Variants in GRID2 observed in about 807,000 individuals in gnomAD.
GRID2 encodes glutamate ionotropic receptor delta type subunit 2.
A neutral mutation model predicts 114.8 loss-of-function variants in GRID2; 33 were observed. The observed-to-expected ratio is 0.29, with a 90% confidence interval of 0.22 to 0.38. The LOEUF (loss-of-function observed/expected upper bound fraction) is 0.38, where lower values mean the gene tolerates loss of function less well. GRID2 is among the 10% of genes least tolerant of loss of function. The pLI is 1.00. For missense variants in GRID2, 1,184 were observed against 1,257.7 expected (o/e 0.94, Z 0.89); for synonymous variants, 505 against 449.9 (o/e 1.12, Z -1.55).
chr4:92,442,340 G>A (rs182806935), intron 1 of GRID2, among the ~76,000 whole-genome samples: 3 of 152,108 alleles, frequency 2.0e-5, no homozygotes, highest in African/African-American at 7.2e-5. Context: ...TTTCAGTGGG[G>A]TCCTACACAG....
intron 2 of GRID2, among the ~76,000 whole-genome samples, chr4:92,876,877 T>C (rs1313601695): frequency 2.6e-5 from 4 of 152,188 alleles, no homozygotes; most frequent in African/African-American, 9.7e-5. Context: ...TCATAAGTTA[T>C]AAAATATAGA....
rs375261932 is a variant in GRID2, at chr4:93,591,013, G to T, written c.2194-35256G>T. 3.5e-3 allele frequency among the ~76,000 whole-genome samples: 525 copies of T among 150,732 alleles called. 2 individuals carry two copies. Among genetic ancestry groups the T allele is most frequent in the African/African-American group, 0.012 (482 of 40,746 alleles). The stretch of plus-strand genomic sequence containing the variant: ...ATGTCATCTGCAAACAGGGACAATT[G>T]GACTTCCTCTTTTCCTAATTGAATA... On this transcript the variant is annotated intron_variant, in intron 13 of 15. Transcript: ENST00000282020.
chr4:93,421,450 A>G (rs940081385), intron 9 of GRID2, among the ~76,000 whole-genome samples: 2 of 152,216 alleles, frequency 1.3e-5, no homozygotes, highest in Non-Finnish European at 2.9e-5. Flanking sequence ...CAGTGAAACT[A>G]AAATATGTTT....
intron 2 of GRID2, among the ~76,000 whole-genome samples, chr4:92,758,069 G>A (rs970059824): frequency 3.3e-5 from 5 of 152,002 alleles, no homozygotes; most frequent in Admixed American, 2.6e-4. Context: ...AGTGCATGTG[G>A]ACACTTACTA....
At chr4:92,421,441 T>A (rs1402261720) in intron 1 of GRID2, among the ~76,000 whole-genome samples, 2 of 152,074 alleles carry the variant, frequency 1.3e-5, no homozygotes, top group Non-Finnish European at 2.9e-5. Flanking sequence ...CACTGTCACC[T>A]TTGGCATGAG....
chr4:92,859,322 G>T (rs570655752), intron 2 of GRID2, among the ~76,000 whole-genome samples: 1 of 152,174 alleles, frequency 6.6e-6, no homozygotes, highest in East Asian at 1.9e-4. Flanking sequence ...TAGACATAAT[G>T]CTATTGTTGA....
In GRID2 at chr4:93,348,079, T is replaced by G. The variant is rs1159999235; in HGVS notation, c.1246-47528T>G. Among the ~76,000 whole-genome samples, 4 of 152,134 alleles carry G rather than the reference T, an allele frequency of 2.6e-5. No individual in the cohort carries two copies. In the East Asian group the frequency reaches 7.7e-4, roughly 29 times the overall value. ...ATTGGATACTTACTTTGATTAACATTTCTGTAATGGCACAAAGATTTGCTA... is the reference window on the plus strand; with the variant it reads ...ATTGGATACTTACTTTGATTAACATGTCTGTAATGGCACAAAGATTTGCTA... On this transcript the variant is annotated intron_variant, in intron 8 of 15. Transcript: ENST00000282020.
Position 92,566,451 on chromosome 4 carries a change from A to C in GRID2, c.89-23680A>C, listed in dbSNP as rs1727340047. ...AATGAACACAGTTTCGGACAATAGG[A>C]TGCATGTTAAGCCTGACTGGATCTA... On this transcript the variant is annotated intron_variant, in intron 1 of 15. Transcript: ENST00000282020. Among the ~76,000 whole-genome samples the C allele has an allele frequency of 2.0e-5, 3 of 151,998 alleles. No individual in the cohort carries two copies. In the South Asian group the frequency reaches 6.2e-4, roughly 31 times the overall value.
chr4:93,246,758 C>G (rs1168560613), intron 8 of GRID2, among the ~76,000 whole-genome samples: 1 of 151,796 alleles, frequency 6.6e-6, no homozygotes, highest in Non-Finnish European at 1.5e-5. Flanking sequence ...TAGCTTGTAC[C>G]ATAAAGTCAT....
intron 1 of GRID2, among the ~76,000 whole-genome samples, chr4:92,322,007 T>G (rs1726341315): frequency 6.6e-6 from 1 of 152,162 alleles, no homozygotes; most frequent in Admixed American, 6.6e-5. Flanking sequence ...ATAAGGTTCA[T>G]ATTTCAGGAA....
chr4:93,353,404 T>C (rs1385632057), intron 8 of GRID2, among the ~76,000 whole-genome samples: 1 of 151,850 alleles, frequency 6.6e-6, no homozygotes, highest in Non-Finnish European at 1.5e-5. Flanking sequence ...AAAATCACAT[T>C]ACAGAAAGCT....
At chr4:92,317,338 C>T (rs1303941650) in intron 1 of GRID2, among the ~76,000 whole-genome samples, 1 of 152,092 alleles carries the variant, frequency 6.6e-6, no homozygotes, top group Non-Finnish European at 1.5e-5. Context: ...TTACAAGTGG[C>T]ATAACTATTA....
At chr4:93,168,529 T>A (rs911208376) in intron 4 of GRID2, among the ~76,000 whole-genome samples, 1 of 152,078 alleles carries the variant, frequency 6.6e-6, no homozygotes, top group Non-Finnish European at 1.5e-5. Flanking sequence ...GTACTATTAA[T>A]AAGAAATCAT....
chr4:93,618,050 A>T (rs528998330), intron 13 of GRID2, among the ~76,000 whole-genome samples: 1 of 152,282 alleles, frequency 6.6e-6, no homozygotes, highest in Non-Finnish European at 1.5e-5. Context: ...TACTCATGAC[A>T]TGGGGCTTTT....
chr4:93,499,017 T>C (rs1268833659), intron 12 of GRID2, among the ~76,000 whole-genome samples: 1 of 151,914 alleles, frequency 6.6e-6, no homozygotes, highest in Non-Finnish European at 1.5e-5. Context: ...AATGATTTCA[T>C]TTTTTATTGA....
At chr4:93,462,210 G>C (rs917402774) in intron 11 of GRID2, among the ~76,000 whole-genome samples, 1 of 152,112 alleles carries the variant, frequency 6.6e-6, no homozygotes, top group Non-Finnish European at 1.5e-5. Context: ...TATGTGCCAT[G>C]CCTGGCCTAT....
chr4:93,474,843 T>A (rs886570544), intron 11 of GRID2, among the ~76,000 whole-genome samples: 1 of 152,150 alleles, frequency 6.6e-6, no homozygotes, highest in Non-Finnish European at 1.5e-5. Context: ...AAGCCTGTTG[T>A]GAAGATTAAA....
intron 1 of GRID2, among the ~76,000 whole-genome samples, chr4:92,396,002 A>G (rs1730474855): frequency 6.6e-6 from 1 of 151,868 alleles, no homozygotes; most frequent in Non-Finnish European, 1.5e-5. Flanking sequence ...CAGCTTTTTA[A>G]GTAATAGAAG....
intron 1 of GRID2, among the ~76,000 whole-genome samples, chr4:92,513,868 T>A (rs796932576): frequency 1.6e-4 from 25 of 152,082 alleles, no homozygotes; most frequent in African/African-American, 6.0e-4. Context: ...GAGTTTAATG[T>A]ACTGTGTAGA....
Sources: gnomAD v4.1 joint callset for allele counts (sites outside exome capture counted in the v4.1 genomes callset) on GRCh38, gnomAD v4.1.1 for gene constraint, MANE v1.5 for transcripts, NCBI Gene and HGNC (gene_info 2026-07-23, HGNC 2026-07-21) for gene names.